PDK1: variants seen among roughly 807,000 people sequenced by gnomAD.
The protein encoded by PDK1 is pyruvate dehydrogenase kinase 1.
A neutral mutation model predicts 54.2 loss-of-function variants in PDK1; 39 were observed. The observed-to-expected ratio is 0.72, with a 90% confidence interval of 0.56 to 0.94. PDK1 has a LOEUF of 0.94. PDK1 is among the 40% of genes least tolerant of loss of function. PDK1 has a pLI of 0.00. For synonymous variants in PDK1, 221 were observed against 207.1 expected (o/e 1.07, Z -0.58); for missense variants, 552 against 566.0 (o/e 0.98, Z 0.25).
chr2:172,692,417 TAAAC>T, the PDK1 span, among the ~76,000 whole-genome samples: 3 of 152,186 alleles, frequency 2.0e-5, no homozygotes, highest in South Asian at 4.1e-4. Flanking sequence ...GCTGTTCACT[TAAAC>T]AAGCCACTAA....
the PDK1 span, among the ~76,000 whole-genome samples, chr2:172,650,149 A>G: frequency 6.6e-6 from 1 of 152,202 alleles, no homozygotes; most frequent in East Asian, 1.9e-4. Context: ...CTCTGCAGAA[A>G]CTCTACAAGC....
chr2:172,563,197 T>C (rs956581893), intron 3 of PDK1, among the ~76,000 whole-genome samples: 1 of 152,194 alleles, frequency 6.6e-6, no homozygotes, highest in Non-Finnish European at 1.5e-5. Flanking sequence ...CATTATGTTA[T>C]AGAGCCTTCT....
chr2:172,680,687 T>A, the PDK1 span, among the ~76,000 whole-genome samples: 1 of 152,122 alleles, frequency 6.6e-6, no homozygotes, highest in Non-Finnish European at 1.5e-5. Flanking sequence ...TTACTTTATG[T>A]CTACAGGAAC....
At chr2:172,660,462 GC>G in the PDK1 span, among the ~76,000 whole-genome samples, 1 of 151,354 alleles carries the variant, frequency 6.6e-6, no homozygotes, top group Non-Finnish European at 1.5e-5. Flanking sequence ...CCACCATGTT[GC>G]CCAGGCTGGT....
chr2:172,717,474 T>C, the PDK1 span, among the ~76,000 whole-genome samples: 1 of 152,368 alleles, frequency 6.6e-6, no homozygotes, highest in South Asian at 2.1e-4. Context: ...TACCTTTAGT[T>C]ACTACGCTTC....
At chr2:172,622,804 A>G in the PDK1 span, among the ~76,000 whole-genome samples, 4 of 147,534 alleles carry the variant, frequency 2.7e-5, no homozygotes, top group African/African-American at 4.9e-5. Flanking sequence ...ATGTTTATAT[A>G]TTATGTATAT....
chr2:172,593,609 T>C (rs1353764253), intron 10 of PDK1, among the ~76,000 whole-genome samples: 1 of 152,230 alleles, frequency 6.6e-6, no homozygotes, highest in East Asian at 1.9e-4. Context: ...CAAGGAAACA[T>C]TCCCCTTTTT....
the PDK1 span, among the ~76,000 whole-genome samples, chr2:172,646,528 T>C: frequency 6.6e-6 from 1 of 151,764 alleles, no homozygotes; most frequent in South Asian, 2.1e-4. Flanking sequence ...GTCAACTTGA[T>C]GCAGTTGCTT....
At chr2:172,615,430 C>T in the PDK1 span, among the ~76,000 whole-genome samples, 1 of 152,070 alleles carries the variant, frequency 6.6e-6, no homozygotes, top group African/African-American at 2.4e-5. Flanking sequence ...TCAAGACCAG[C>T]CTGACCAACC....
the PDK1 span, among the ~76,000 whole-genome samples, chr2:172,718,958 C>A: frequency 6.6e-6 from 1 of 152,262 alleles, no homozygotes; most frequent in East Asian, 1.9e-4. Flanking sequence ...GTTCCATCAC[C>A]CCCAAAATTG....
At chr2:172,698,690 G>A in the PDK1 span, among the ~76,000 whole-genome samples, 1 of 152,222 alleles carries the variant, frequency 6.6e-6, no homozygotes, top group South Asian at 2.1e-4. Context: ...ATTCCCAGGT[G>A]ACGCTGAAGC....
the PDK1 span, chr2:172,723,044 T>A: frequency 6.6e-6 from 1 of 152,070 alleles, no homozygotes; most frequent in East Asian, 1.9e-4. Flanking sequence ...GGGATTGTGA[T>A]CTAGTGTCTT....
the PDK1 span, among the ~76,000 whole-genome samples, chr2:172,719,108 A>G: frequency 5.9e-5 from 9 of 152,164 alleles, no homozygotes; most frequent in South Asian, 2.1e-4. Flanking sequence ...CTTATTTAGC[A>G]TAATACATTA....
At chr2:172,594,667 A>G (rs1411895714) in intron 10 of PDK1, among the ~76,000 whole-genome samples, 1 of 152,226 alleles carries the variant, frequency 6.6e-6, no homozygotes, top group African/African-American at 2.4e-5. Context: ...TAGGGAAAAT[A>G]GAAGATAAGA....
chr2:172,622,401 T>TATGTGAGATATGTTTATATC, the PDK1 span, among the ~76,000 whole-genome samples: 4 of 149,000 alleles, frequency 2.7e-5, no homozygotes, highest in Admixed American at 1.3e-4. Flanking sequence ...TATCATATAT[T>TATGTGAGATATGTTTATATC]ATGTGAGATA....
intron 8 of PDK1, among the ~76,000 whole-genome samples, chr2:172,576,273 T>A (rs974675414): frequency 6.6e-6 from 1 of 152,232 alleles, no homozygotes; most frequent in African/African-American, 2.4e-5. Context: ...TTAGGTTATC[T>A]AATTATTACA....
chr2:172,708,860 G>A, the PDK1 span, among the ~76,000 whole-genome samples: 35,070 of 152,100 alleles, frequency 0.23, 5,674 homozygotes, highest in African/African-American at 0.46. Context: ...GGGACCCATC[G>A]CATGAGGTCA....
chr2:172,658,256 G>A, the PDK1 span, among the ~76,000 whole-genome samples: 10 of 152,294 alleles, frequency 6.6e-5, no homozygotes, highest in East Asian at 1.9e-3. Flanking sequence ...GGACTGGCTG[G>A]AGCCACAGCA....
the PDK1 span, among the ~76,000 whole-genome samples, chr2:172,666,805 A>G: frequency 6.6e-6 from 1 of 152,180 alleles, no homozygotes; most frequent in Non-Finnish European, 1.5e-5. Context: ...GAAGTTTAAA[A>G]TGAAGAACAA....
Sources: allele counts gnomAD v4.1 joint callset (sites outside exome capture counted in the v4.1 genomes callset), GRCh38; gene constraint gnomAD v4.1.1; transcripts MANE v1.5; gene names NCBI Gene and HGNC (gene_info 2026-07-23, HGNC 2026-07-21).